The following PRKN variants were observed in gnomAD, a reference collection of about 807,000 sequenced individuals.
The protein encoded by PRKN is parkin RBR E3 ubiquitin protein ligase.
PRKN carries 56 observed loss-of-function variants against 59.5 expected under a neutral mutation model. That is an observed-to-expected ratio of 0.94 (90% CI 0.76 to 1.18). The LOEUF is 1.18. Ranked by LOEUF, PRKN falls within the 50% of genes most tolerant of loss-of-function variation. The probability of loss-of-function intolerance (pLI) is 0.00; values close to 1 mark genes in which losing one functional copy is unlikely to be tolerated. For synonymous variants in PRKN, 250 were observed against 222.1 expected (o/e 1.13, Z -1.12); for missense variants, 657 against 596.4 (o/e 1.10, Z -1.06).
chr6:162,608,787 TG>T (rs1583898806), intron 1 of PRKN, among the ~76,000 whole-genome samples: 1 of 151,718 alleles, frequency 6.6e-6, no homozygotes, highest in East Asian at 1.9e-4. Context: ...GGTTATGGAG[TG>T]GAAGTCTCAG....
chr6:162,068,517 C>T (rs1778433929), intron 4 of PRKN, among the ~76,000 whole-genome samples: 1 of 152,202 alleles, frequency 6.6e-6, no homozygotes, highest in African/African-American at 2.4e-5. Flanking sequence ...AGCTTCTAAG[C>T]TCTCTCAGGC....
chr6:162,304,875 G>A (rs1782153367), intron 2 of PRKN, among the ~76,000 whole-genome samples: 2 of 152,194 alleles, frequency 1.3e-5, no homozygotes, highest in East Asian at 1.9e-4. Flanking sequence ...AAGTGAAAAT[G>A]GAAATCCAGG....
chr6:162,040,802 A>T (rs925359975), intron 5 of PRKN, among the ~76,000 whole-genome samples: 1 of 152,014 alleles, frequency 6.6e-6, no homozygotes, highest in Non-Finnish European at 1.5e-5. Context: ...GGTAACATTG[A>T]GGGAGGTCAA....
chr6:162,354,633 C>T (rs571635329), intron 2 of PRKN, among the ~76,000 whole-genome samples: 12 of 152,084 alleles, frequency 7.9e-5, no homozygotes, highest in Non-Finnish European at 1.6e-4. Context: ...AATTATATTT[C>T]CAATGAAGCA....
intron 2 of PRKN, among the ~76,000 whole-genome samples, chr6:162,306,813 G>C (rs188607422): frequency 4.5e-4 from 68 of 152,264 alleles, no homozygotes; most frequent in Non-Finnish European, 3.2e-4. Flanking sequence ...GCAGAGCTAA[G>C]AGCAACTGTT....
intron 4 of PRKN, among the ~76,000 whole-genome samples, chr6:162,144,568 G>C (rs1781933720): frequency 6.6e-6 from 1 of 152,156 alleles, no homozygotes; most frequent in African/African-American, 2.4e-5. Context: ...GTCTGCAGTA[G>C]GTGCACACGA....
At chr6:162,666,026 T>C (rs1250060293) in intron 1 of PRKN, among the ~76,000 whole-genome samples, 1 of 152,130 alleles carries the variant, frequency 6.6e-6, no homozygotes, top group Non-Finnish European at 1.5e-5. Context: ...TATACAAAAA[T>C]TAATTCGATT....
At position 161,578,712 on chromosome 6, in the gene PRKN, C is replaced by T. The variant is rs1009751; in HGVS notation, c.872-9296G>A. ...CACTTCCTGCACTAGATCTAATCAG[C>T]GCTGCTCTGCAATAGATTTTCTGTG... On this transcript the variant is annotated intron_variant, in intron 7 of 11. Coordinates refer to ENST00000366898, the MANE Select transcript of PRKN (RefSeq NM_004562.3). The surrounding 1 kb of genome is among the most constrained non-coding windows in gnomAD (Gnocchi z 4.2). Among the ~76,000 whole-genome samples, 96,109 of 152,114 alleles carry T rather than the reference C, an allele frequency of 0.63. 30,901 individuals carry two copies. Among genetic ancestry groups the T allele is most frequent in the African/African-American group, 0.75 (31,008 of 41,518 alleles).
intron 1 of PRKN, among the ~76,000 whole-genome samples, chr6:162,638,357 G>A (rs546740264): frequency 3.3e-5 from 5 of 152,098 alleles, no homozygotes; most frequent in Admixed American, 6.5e-5. Context: ...TAAAGGAGCC[G>A]GTTTGAAAGC....
Position 161,466,430 on chromosome 6 carries a change from T to C in PRKN, c.1084-79553A>G, listed in dbSNP as rs1344646130. On this transcript the variant is annotated intron_variant, in intron 9 of 11. Transcript: ENST00000366898. This position sits in a 1 kb window ranked among gnomAD's most constrained non-coding sequence, Gnocchi z 5.0. ...CTTGTTCTTTTTGTTACGGTAGAAA[T>C]CTAGAAAATAGTTTTATCATTTCTC... 2.0e-5 allele frequency among the ~76,000 whole-genome samples: 3 copies of C among 152,200 alleles called. No homozygotes were observed. Among genetic ancestry groups the C allele is most frequent in the Non-Finnish European group, 4.4e-5 (3 of 68,038 alleles).
Position 161,355,805 on chromosome 6 carries a change from C to A in PRKN, c.1285+4283G>T, listed in dbSNP as rs12207487. On this transcript the variant is annotated intron_variant, in intron 11 of 11. Coordinates refer to ENST00000366898, the MANE Select transcript of PRKN (RefSeq NM_004562.3). This position sits in a 1 kb window ranked among gnomAD's most constrained non-coding sequence, Gnocchi z 6.8. ...GTCCCTGATCTCACCGGCTTATGTTCTAAAGAGCGACAGATGGGGAACATG... is the reference window on the plus strand; with the variant it reads ...GTCCCTGATCTCACCGGCTTATGTTATAAAGAGCGACAGATGGGGAACATG... Among the ~76,000 whole-genome samples, 27,788 of 152,168 alleles carry A rather than the reference C, an allele frequency of 0.18. 2,755 individuals carry two copies. Among genetic ancestry groups the A allele is most frequent in the South Asian group, 0.26 (1,261 of 4,830 alleles).
chr6:161,532,945 T>C (rs1157934568), intron 9 of PRKN, among the ~76,000 whole-genome samples: 1 of 152,200 alleles, frequency 6.6e-6, no homozygotes, highest in Non-Finnish European at 1.5e-5. Flanking sequence ...TTGGATACCA[T>C]GGTGGATGCT....
intron 7 of PRKN, among the ~76,000 whole-genome samples, chr6:161,750,515 C>T (rs554279345): frequency 6.6e-6 from 1 of 151,988 alleles, no homozygotes; most frequent in Non-Finnish European, 1.5e-5. Context: ...TACTTGTAAT[C>T]CCAGCACTTG....
At chr6:162,305,879 T>C (rs1782199125) in intron 2 of PRKN, among the ~76,000 whole-genome samples, 1 of 152,166 alleles carries the variant, frequency 6.6e-6, no homozygotes, top group African/African-American at 2.4e-5. Context: ...ATATCTGTTT[T>C]AGATACATAT....
chr6:162,703,902 C>T (rs1047351826), intron 1 of PRKN, among the ~76,000 whole-genome samples: 12 of 152,166 alleles, frequency 7.9e-5, no homozygotes, highest in African/African-American at 2.4e-4. Context: ...CAACTAAATG[C>T]TAGTACTTTC....
chr6:162,101,292 T>A (rs547427202), intron 4 of PRKN, among the ~76,000 whole-genome samples: 1 of 151,502 alleles, frequency 6.6e-6, no homozygotes, highest in Admixed American at 6.6e-5. Flanking sequence ...CTTCTTCTGC[T>A]TGTGGATATC....
At chr6:162,662,540 T>G (rs1216000571) in intron 1 of PRKN, among the ~76,000 whole-genome samples, 1 of 152,238 alleles carries the variant, frequency 6.6e-6, no homozygotes, top group Admixed American at 6.5e-5. Context: ...TCTTATAGGA[T>G]TTTAATAGTT....
At chr6:161,411,913 T>G (rs1244074390) in intron 9 of PRKN, among the ~76,000 whole-genome samples, 1 of 146,570 alleles carries the variant, frequency 6.8e-6, no homozygotes, top group African/African-American at 2.6e-5. Context: ...ACTCACTCAT[T>G]CCTCCACTCA....
At chr6:162,354,053 A>C (rs1269091628) in intron 2 of PRKN, among the ~76,000 whole-genome samples, 1 of 152,210 alleles carries the variant, frequency 6.6e-6, no homozygotes, top group East Asian at 1.9e-4. Flanking sequence ...AGTTTCCTTT[A>C]TCTCTTCATA....
Sources: allele counts gnomAD v4.1 joint callset (sites outside exome capture counted in the v4.1 genomes callset), GRCh38; gene constraint gnomAD v4.1.1; non-coding constraint Gnocchi (gnomAD v3.1); transcripts MANE v1.5; gene names NCBI Gene and HGNC (gene_info 2026-07-23, HGNC 2026-07-21).